RCOR1: variants seen among roughly 807,000 people sequenced by gnomAD.
RCOR1 encodes the protein REST corepressor.
A neutral mutation model predicts 64.0 loss-of-function variants in RCOR1; 12 were observed. That is an observed-to-expected ratio of 0.19 (90% CI 0.12 to 0.30). RCOR1 has a LOEUF of 0.30. Ranked by LOEUF, RCOR1 falls within the 10% of genes least tolerant of loss-of-function variation. The pLI, the probability that RCOR1 is intolerant of heterozygous loss-of-function variation, is 1.00. For synonymous variants in RCOR1, 279 were observed against 227.2 expected, an observed-to-expected ratio of 1.23 and a Z score of -2.05; for missense variants, 502 against 621.2, an observed-to-expected ratio of 0.81 and a Z score of 2.04.
chr14:102,654,608 T>G (rs967574827), intron 2 of RCOR1, among the ~76,000 whole-genome samples: 22 of 152,116 alleles, frequency 1.4e-4, no homozygotes, highest in African/African-American at 5.3e-4. Context: ...AGCTGACACC[T>G]GTAATACCAG....
intron 2 of RCOR1, among the ~76,000 whole-genome samples, chr14:102,659,478 T>C (rs1486027977): frequency 6.6e-6 from 1 of 152,146 alleles, no homozygotes; most frequent in East Asian, 1.9e-4. Context: ...CTGGCACACA[T>C]GTGTCAAACA....
intron 2 of RCOR1, among the ~76,000 whole-genome samples, chr14:102,656,652 A>G (rs1247871987): frequency 2.0e-5 from 3 of 151,800 alleles, no homozygotes; most frequent in African/African-American, 4.8e-5. Context: ...TATTTTTAGT[A>G]GAGATGGGGT....
intron 4 of RCOR1, among the ~76,000 whole-genome samples, chr14:102,703,747 A>G (rs1895792863): frequency 6.6e-6 from 1 of 152,212 alleles, no homozygotes; most frequent in African/African-American, 2.4e-5. Flanking sequence ...CTTGAAGCCC[A>G]TCAAGCCCAT....
chr14:102,688,729 A>G (rs766024859), intron 3 of RCOR1, among the ~76,000 whole-genome samples: 6 of 152,124 alleles, frequency 3.9e-5, no homozygotes, highest in Non-Finnish European at 5.9e-5. Flanking sequence ...GTATAGGTGC[A>G]CTGTTCCATC....
chr14:102,631,561 A>G lies in RCOR1; in HGVS notation c.361+38236A>G, dbSNP rs1449073696. Among the ~76,000 whole-genome samples, 3 of 152,070 alleles carry G rather than the reference A, an allele frequency of 2.0e-5. No homozygotes were observed. The East Asian group carries it at 5.8e-4, about 29-fold the overall frequency. ...CTATTAAAAATTATGTCAGGTTGAC[A>G]GACATAAACTGGAACTGTCCTCACC... is the stretch of plus-strand genomic sequence containing the variant. On this transcript the variant is annotated intron_variant, in intron 2 of 11. Coordinates refer to ENST00000262241, the MANE Select transcript of RCOR1 (RefSeq NM_015156.4).
chr14:102,694,524 C>G (rs1419489788), intron 3 of RCOR1, among the ~76,000 whole-genome samples: 1 of 152,186 alleles, frequency 6.6e-6, no homozygotes, highest in African/African-American at 2.4e-5. Flanking sequence ...ATCCACCCGC[C>G]TCGTCCTCCC....
At chr14:102,666,287 G>GT (rs1894915709) in intron 2 of RCOR1, among the ~76,000 whole-genome samples, 2 of 152,280 alleles carry the variant, frequency 1.3e-5, no homozygotes, top group South Asian at 4.1e-4. Flanking sequence ...CATGCCATGG[G>GT]TTTTTTCCCT....
At chr14:102,644,669 G>A (rs1252875007) in intron 2 of RCOR1, among the ~76,000 whole-genome samples, 2 of 152,170 alleles carry the variant, frequency 1.3e-5, no homozygotes, top group Non-Finnish European at 2.9e-5. Flanking sequence ...CTCATGTGAC[G>A]TCAAGAGAAG....
At chr14:102,676,756 C>T (rs1347014727) in intron 2 of RCOR1, among the ~76,000 whole-genome samples, 6 of 94,458 alleles carry the variant, frequency 6.4e-5, no homozygotes, top group African/African-American at 9.5e-5. Context: ...CCCTCCCGGA[C>T]GGGGCGGCTG....
At chr14:102,708,234 G>A (rs185678423) in intron 5 of RCOR1, among the ~76,000 whole-genome samples, 8 of 152,216 alleles carry the variant, frequency 5.3e-5, no homozygotes, top group Middle Eastern at 3.4e-3. Context: ...CAAAGTGCTG[G>A]GATTACAGGC....
rs750507459 is a variant in RCOR1 at position 102,592,871 on chromosome 14, GC to G, written c.-12del. 15 of 1,213,684 alleles carry G rather than the reference GC, an allele frequency of 1.2e-5. No individual in the cohort carries two copies. The highest frequency in any genetic ancestry group is 8.9e-5 in the South Asian group (3 of 33,672). 75.2% of individuals were successfully genotyped at this position (1,213,684 alleles called of 1,614,324 possible). The stretch of plus-strand genomic sequence containing the variant: ...CGCGGGTCCCCGCCACTTTCGCACG[GC>G]CCCGGCCCCCGCCGATGCCGGCCAT... On this transcript the variant is annotated 5_prime_UTR_variant, in exon 1 of 12. Transcript: ENST00000262241.
chr14:102,701,292 G>A lies in RCOR1; in HGVS notation c.460G>A (p.Ala154Thr). Residue 154 changes from alanine (A) to threonine (T), a missense_variant, in exon 4 of 12, where the codon GCC (alanine) becomes ACC (threonine). Physicochemically the swap from Ala to Thr is moderately conservative, Grantham distance 58. Transcript: ENST00000262241. Reference protein sequence around the residue: ...LSEAKLDEYIAIAKEKHGYNM... With the variant: ...LSEAKLDEYITIAKEKHGYNM... ...TTGTTTTTCAGTGGATGAATACATT[G>A]CCATTGCCAAAGAAAAGCATGGGTA... 1 of 1,612,930 alleles carries A rather than the reference G, an allele frequency of 6.2e-7. No homozygotes were observed. Among genetic ancestry groups the A allele is most frequent in the Non-Finnish European group, 8.5e-7 (1 of 1,179,400 alleles).
chr14:102,680,166 T>C (rs931224820), intron 2 of RCOR1, among the ~76,000 whole-genome samples: 1 of 151,966 alleles, frequency 6.6e-6, no homozygotes, highest in African/African-American at 2.4e-5. Flanking sequence ...TTAATTTTGA[T>C]TTTTGATTTT....
At chr14:102,669,163 G>T (rs1252806917) in intron 2 of RCOR1, among the ~76,000 whole-genome samples, 2 of 152,044 alleles carry the variant, frequency 1.3e-5, no homozygotes, top group Non-Finnish European at 1.5e-5. Context: ...TACAAAATTA[G>T]CCAGGCGTGG....
At chr14:102,725,121 C>A (rs1896234866) in intron 11 of RCOR1, among the ~76,000 whole-genome samples, 1 of 152,204 alleles carries the variant, frequency 6.6e-6, no homozygotes, top group African/African-American at 2.4e-5. Context: ...TCCAACCTTA[C>A]ACTGAAGAAA....
rs562956885 is a variant in RCOR1 at position 102,615,160 on chromosome 14, G to T, written c.361+21835G>T. Among the ~76,000 whole-genome samples the T allele has an allele frequency of 2.5e-4, 28 of 114,188 alleles. 1 individual carries two copies. In the South Asian group the frequency reaches 3.0e-3, roughly 12 times the overall value. The allele number at this position is 114,188 out of a possible 152,430, so 74.9% of individuals were successfully genotyped here. On this transcript the variant is annotated intron_variant, in intron 2 of 11. Coordinates refer to ENST00000262241, the MANE Select transcript of RCOR1 (RefSeq NM_015156.4). Reference sequence around the variant, plus strand: ...CGCCCCCACCTTTTTTTGAGACAGAGTCTTATTCTCACCCAGCCTGGAGTG... The same window carrying T: ...CGCCCCCACCTTTTTTTGAGACAGATTCTTATTCTCACCCAGCCTGGAGTG...
chr14:102,625,285 G>A (rs1403337025), intron 2 of RCOR1, among the ~76,000 whole-genome samples: 1 of 143,672 alleles, frequency 7.0e-6, no homozygotes, highest in Non-Finnish European at 1.5e-5. Context: ...TCCCAGGATG[G>A]AGTGCAATGG....
chr14:102,679,462 C>A (rs1895257916), intron 2 of RCOR1, among the ~76,000 whole-genome samples: 1 of 151,574 alleles, frequency 6.6e-6, no homozygotes, highest in Admixed American at 6.6e-5. Flanking sequence ...GGACTCTATT[C>A]CATTTATTTC....
intron 2 of RCOR1, among the ~76,000 whole-genome samples, chr14:102,633,856 C>G (rs987692296): frequency 1.3e-5 from 2 of 152,224 alleles, no homozygotes; most frequent in African/African-American, 4.8e-5. Flanking sequence ...TTGTTCTTAA[C>G]AGAATATCAA....
Sources: allele counts gnomAD v4.1 joint callset (sites outside exome capture counted in the v4.1 genomes callset), GRCh38; gene constraint gnomAD v4.1.1; transcripts MANE v1.5; gene names NCBI Gene and HGNC (gene_info 2026-07-23, HGNC 2026-07-21).